The following NRG1 variants were observed in gnomAD, a reference collection of about 807,000 sequenced individuals.
The protein encoded by NRG1 is pro-neuregulin-1, membrane-bound isoform.
Under a neutral mutation model 63.8 loss-of-function variants are expected in NRG1, and 18 were observed. The observed-to-expected ratio is 0.28, with a 90% CI of 0.19 to 0.42. The LOEUF (loss-of-function observed/expected upper bound fraction) is 0.42. Ranked by LOEUF, NRG1 falls within the 10% of genes least tolerant of loss-of-function variation. The pLI is 1.00. For missense variants in NRG1, 762 were observed against 814.7 expected, an observed-to-expected ratio of 0.94 and a Z score of 0.79; for synonymous variants, 302 against 301.3, an observed-to-expected ratio of 1.00 and a Z score of -0.02.
intron 1 of NRG1, among the ~76,000 whole-genome samples, chr8:32,260,050 C>T (rs1242202586): frequency 6.6e-6 from 1 of 152,126 alleles, no homozygotes; most frequent in Non-Finnish European, 1.5e-5. Flanking sequence ...CACTTCTCTG[C>T]CCCAACTTGA....
At chr8:31,809,335 CAT>C (rs150912287) in intron 1 of NRG1, among the ~76,000 whole-genome samples, 4 of 138,664 alleles carry the variant, frequency 2.9e-5, no homozygotes, top group African/African-American at 1.0e-4. Context: ...TCTCTCTCTC[CAT>C]ATATATATAT....
chr8:31,922,321 A>G (rs1161400751), intron 1 of NRG1, among the ~76,000 whole-genome samples: 1 of 152,130 alleles, frequency 6.6e-6, no homozygotes, highest in Non-Finnish European at 1.5e-5. Flanking sequence ...CCATGGTGTA[A>G]ATATCCCCAC....
At chr8:32,563,985 A>C (rs957721479) in intron 1 of NRG1, among the ~76,000 whole-genome samples, 9 of 152,150 alleles carry the variant, frequency 5.9e-5, no homozygotes, top group African/African-American at 2.2e-4. Context: ...TCTCGATAAA[A>C]TGAGTATTGT....
chr8:32,088,270 G>A (rs1285287115), intron 1 of NRG1, among the ~76,000 whole-genome samples: 1 of 152,172 alleles, frequency 6.6e-6, no homozygotes, highest in African/African-American at 2.4e-5. Context: ...ACGGGACCTT[G>A]CGTTTAATAA....
intron 1 of NRG1, among the ~76,000 whole-genome samples, chr8:31,951,711 C>A (rs1283649841): frequency 6.6e-6 from 1 of 152,158 alleles, no homozygotes; most frequent in African/African-American, 2.4e-5. Context: ...AGTGCCACTT[C>A]CCCTGGGATG....
At chr8:32,670,561 C>G (rs1263413982) in intron 5 of NRG1, among the ~76,000 whole-genome samples, 2 of 152,110 alleles carry the variant, frequency 1.3e-5, no homozygotes, top group African/African-American at 4.8e-5. Context: ...TCTCTGGGAA[C>G]AGGGAAACAT....
At chr8:32,208,493 G>T (rs1432750865) in intron 1 of NRG1, among the ~76,000 whole-genome samples, 1 of 151,936 alleles carries the variant, frequency 6.6e-6, no homozygotes, top group Non-Finnish European at 1.5e-5. Context: ...CCTAACCTCA[G>T]GTGATCCGCC....
At chr8:32,439,909 T>TGG (rs1819311451) in intron 1 of NRG1, among the ~76,000 whole-genome samples, 2 of 151,860 alleles carry the variant, frequency 1.3e-5, no homozygotes, top group African/African-American at 2.4e-5. Context: ...CTCCAGTAGC[T>TGG]GAGACCACAG....
intron 1 of NRG1, among the ~76,000 whole-genome samples, chr8:32,131,135 G>A (rs1161441676): frequency 6.6e-6 from 1 of 151,910 alleles, no homozygotes; most frequent in Non-Finnish European, 1.5e-5. Context: ...TATCAAAAAT[G>A]TCTACCTTAA....
intron 1 of NRG1, among the ~76,000 whole-genome samples, chr8:32,343,667 A>T (rs1401692033): frequency 1.3e-5 from 2 of 152,240 alleles, no homozygotes; most frequent in East Asian, 3.8e-4. Context: ...GTGTTTAATC[A>T]TAATGAATCA....
intron 1 of NRG1, among the ~76,000 whole-genome samples, chr8:31,879,637 C>T (rs1830194051): frequency 6.6e-6 from 1 of 152,062 alleles, no homozygotes; most frequent in South Asian, 2.1e-4. Flanking sequence ...GTTTGTTGTA[C>T]ATATTATTAC....
chr8:31,933,406 G>A (rs1421851528), intron 1 of NRG1, among the ~76,000 whole-genome samples: 1 of 151,534 alleles, frequency 6.6e-6, no homozygotes, highest in South Asian at 2.1e-4. Flanking sequence ...TCAGCCTCCC[G>A]AGTAGCTGGG....
intron 1 of NRG1, among the ~76,000 whole-genome samples, chr8:31,870,727 T>C (rs1829404121): frequency 6.6e-6 from 1 of 152,138 alleles, no homozygotes; most frequent in Admixed American, 6.5e-5. Context: ...AGGGTTTTAT[T>C]TTTTTGATTT....
At chr8:31,736,986 G>C (rs1041353945) in intron 1 of NRG1, among the ~76,000 whole-genome samples, 3 of 152,074 alleles carry the variant, frequency 2.0e-5, no homozygotes, top group South Asian at 2.1e-4. Context: ...ACATGGTTTT[G>C]GTTCTGCCTC....
In NRG1 at chr8:32,594,139, C is replaced by T. The variant is rs746716012; in HGVS notation, c.101-1689C>T. Among the ~76,000 whole-genome samples the T allele has an allele frequency of 7.2e-5, 11 of 152,140 alleles. 1 individual carries two copies. The highest frequency in any genetic ancestry group is 4.1e-4 in the South Asian group (2 of 4,824). On this transcript the variant is annotated intron_variant, in intron 1 of 11. Coordinates refer to ENST00000356819, the Ensembl canonical transcript of NRG1. Reference sequence around the variant, plus strand: ...AGGATTTACTTGGCAAGGGCAGAATCGTAGAAAAACAAATAGAGTTCCCTG... The same window carrying T: ...AGGATTTACTTGGCAAGGGCAGAATTGTAGAAAAACAAATAGAGTTCCCTG...
At chr8:32,026,310 C>G (rs981809337) in intron 1 of NRG1, 1 of 152,078 alleles carries the variant, frequency 6.6e-6, no homozygotes, top group African/African-American at 2.4e-5. Context: ...AGTCTTTGGG[C>G]TACTTTCCAT....
chr8:31,700,668 C>T (rs1046296876), intron 1 of NRG1, among the ~76,000 whole-genome samples: 3 of 152,154 alleles, frequency 2.0e-5, no homozygotes, highest in Non-Finnish European at 2.9e-5. Flanking sequence ...ATTCTATGCT[C>T]ACTGTCCGTG....
rs535256242 is a variant in NRG1, at chr8:32,323,110, G to A, written c.38-272718G>A. Among the ~76,000 whole-genome samples, 46 of 152,080 alleles carry A rather than the reference G, an allele frequency of 3.0e-4. No homozygotes were observed. In the South Asian group the frequency reaches 8.9e-3, roughly 30 times the overall value. On this transcript the variant is annotated intron_variant, in intron 1 of 10. Coordinates refer to the NRG1 transcript ENST00000519301. Reference sequence around the variant, plus strand: ...GGTTTTACACAAAGCTTTAAAAAAAGCCACATAAAATAGTATATGAGGTCA... The same window carrying A: ...GGTTTTACACAAAGCTTTAAAAAAAACCACATAAAATAGTATATGAGGTCA...
At chr8:32,391,360 T>TA (rs1811750994) in intron 1 of NRG1, among the ~76,000 whole-genome samples, 1 of 151,846 alleles carries the variant, frequency 6.6e-6, no homozygotes, top group Admixed American at 6.6e-5. Context: ...AATATATATA[T>TA]TTTTTTGACT....
Sources: allele counts gnomAD v4.1 joint callset (sites outside exome capture counted in the v4.1 genomes callset), GRCh38; gene constraint gnomAD v4.1.1; transcripts MANE v1.5; gene names NCBI Gene and HGNC (gene_info 2026-07-23, HGNC 2026-07-21).